Variants in CELF2 observed in about 807,000 individuals in gnomAD.
CELF2 encodes the protein CUGBP Elav-like family member 2.
A neutral mutation model predicts 62.6 loss-of-function variants in CELF2; 8 were observed. The observed-to-expected ratio is 0.13, with a 90% confidence interval of 0.07 to 0.23. The LOEUF (loss-of-function observed/expected upper bound fraction) is 0.23, where lower values mean the gene tolerates loss of function less well. Among genes scored for constraint, CELF2 ranks in the 10% least tolerant of loss-of-function variants. The pLI is 1.00. For synonymous variants in CELF2, 258 were observed against 250.0 expected (o/e 1.03, Z -0.30); for missense variants, 333 against 671.0 (o/e 0.50, Z 5.56).
At chr10:10,615,511 G>C in the CELF2 span, among the ~76,000 whole-genome samples, 1 of 152,128 alleles carries the variant, frequency 6.6e-6, no homozygotes, top group Admixed American at 6.5e-5. Flanking sequence ...TGGTCCCTAA[G>C]TGTCATGTTG....
chr10:10,559,760 G>A, the CELF2 span, among the ~76,000 whole-genome samples: 4 of 152,148 alleles, frequency 2.6e-5, no homozygotes, highest in African/African-American at 9.7e-5. Flanking sequence ...ACAAGAAAAT[G>A]AGCAAAGCCA....
At chr10:10,631,677 T>C in the CELF2 span, among the ~76,000 whole-genome samples, 189 of 152,338 alleles carry the variant, frequency 1.2e-3, 1 homozygote, top group African/African-American at 4.3e-3. Context: ...GACGTTTTCT[T>C]CTTTGGAAGA....
In CELF2 at chr10:11,051,107, G is replaced by A. The variant is rs527317556; in HGVS notation, c.74+32944G>A. ...CTTGAAAGCATGGGGACACTTCTTCGCTGTGGGAAGGGCCAGGTCTGGGAG... is the reference window on the plus strand; with the variant it reads ...CTTGAAAGCATGGGGACACTTCTTCACTGTGGGAAGGGCCAGGTCTGGGAG... On this transcript the variant is annotated intron_variant, in intron 1 of 12. Transcript: ENST00000633077. Among the ~76,000 whole-genome samples the A allele has an allele frequency of 2.1e-4, 32 of 152,170 alleles. 1 individual carries two copies. The highest frequency in any genetic ancestry group is 3.2e-4 in the Non-Finnish European group (22 of 68,026).
chr10:11,055,602 C>T (rs1020750350), intron 1 of CELF2, among the ~76,000 whole-genome samples: 3 of 152,166 alleles, frequency 2.0e-5, no homozygotes, highest in Non-Finnish European at 4.4e-5. Flanking sequence ...TTTTAAGATT[C>T]GTTCTAAACC....
At chr10:10,736,294 GT>G in the CELF2 span, among the ~76,000 whole-genome samples, 12 of 151,390 alleles carry the variant, frequency 7.9e-5, no homozygotes, top group African/African-American at 2.9e-4. Context: ...TAGCTTAGGT[GT>G]TTTGGTTTTG....
At chr10:10,791,446 G>A in the CELF2 span, among the ~76,000 whole-genome samples, 309 of 151,790 alleles carry the variant, frequency 2.0e-3, 1 homozygote, top group Admixed American at 3.2e-3. Flanking sequence ...AATCATTCAT[G>A]TAATTACAAA....
At chr10:10,630,175 C>T in the CELF2 span, among the ~76,000 whole-genome samples, 1 of 152,116 alleles carries the variant, frequency 6.6e-6, no homozygotes, top group Non-Finnish European at 1.5e-5. Context: ...TTTAATCAGC[C>T]CATCTGTGTG....
chr10:11,079,572 C>T (rs1329847777), intron 1 of CELF2, among the ~76,000 whole-genome samples: 1 of 152,196 alleles, frequency 6.6e-6, no homozygotes, highest in African/African-American at 2.4e-5. Context: ...TCCCCCTTCA[C>T]TTGGCATTCA....
At chr10:11,106,886 A>G (rs1432120489) in intron 1 of CELF2, among the ~76,000 whole-genome samples, 1 of 152,136 alleles carries the variant, frequency 6.6e-6, no homozygotes, top group Non-Finnish European at 1.5e-5. Context: ...GCTCAGACTT[A>G]CTATCTAAAC....
rs2093222717 is a variant in CELF2, at chr10:11,296,698, A to G, written c.976+8146A>G. Among the ~76,000 whole-genome samples, 1 of 152,194 alleles carries G rather than the reference A, an allele frequency of 6.6e-6. No individual in the cohort carries two copies. The highest frequency in any genetic ancestry group is 1.5e-5 in the Non-Finnish European group (1 of 68,032). Reference sequence around the variant, plus strand: ...CTACAAACACAAGCAAAATGTACCGACCTGTACAGCACAGACAGCAGGAAG... The same window carrying G: ...CTACAAACACAAGCAAAATGTACCGGCCTGTACAGCACAGACAGCAGGAAG... On this transcript the variant is annotated intron_variant, in intron 9 of 12. Coordinates refer to ENST00000633077, the MANE Select transcript of CELF2 (RefSeq NM_001326342.2). The surrounding 1 kb of genome is among the most constrained non-coding windows in gnomAD (Gnocchi z 5.0).
At chr10:10,564,048 T>G in the CELF2 span, among the ~76,000 whole-genome samples, 1 of 152,214 alleles carries the variant, frequency 6.6e-6, no homozygotes, top group Non-Finnish European at 1.5e-5. Context: ...GTATAACATG[T>G]TAGGTTATTT....
chr10:10,594,112 C>T, the CELF2 span, among the ~76,000 whole-genome samples: 4 of 152,224 alleles, frequency 2.6e-5, no homozygotes, highest in East Asian at 5.8e-4. Context: ...GGGCAATAAC[C>T]GTGGAGGCGG....
In CELF2 at chr10:10,931,396, C is replaced by G. The variant is rs1013203650; in HGVS notation, c.89+11397C>G. ...GGGGTGTAACTTTAAGGAATAATGCCAAGCTCCATAAAGGATTCTAAAGAG... is the reference window on the plus strand; with the variant it reads ...GGGGTGTAACTTTAAGGAATAATGCGAAGCTCCATAAAGGATTCTAAAGAG... On this transcript the variant is annotated intron_variant, in intron 2 of 13. Transcript: ENST00000636488. The surrounding 1 kb of genome is among the most constrained non-coding windows in gnomAD (Gnocchi z 6.1). Among the ~76,000 whole-genome samples, 8 of 152,106 alleles carry G rather than the reference C, an allele frequency of 5.3e-5. No individual in the cohort carries two copies. The highest frequency in any genetic ancestry group is 8.8e-5 in the Non-Finnish European group (6 of 68,024).
chr10:10,545,426 AG>A, the CELF2 span, among the ~76,000 whole-genome samples: 3 of 152,194 alleles, frequency 2.0e-5, no homozygotes, highest in South Asian at 6.2e-4. Context: ...AACCCAAACA[AG>A]GCCTGCTTCA....
chr10:10,958,450 G>A (rs2049130894), intron 2 of CELF2, among the ~76,000 whole-genome samples: 1 of 152,224 alleles, frequency 6.6e-6, no homozygotes, highest in Non-Finnish European at 1.5e-5. Flanking sequence ...CTAGCACAGG[G>A]AATGTGGAGC....
At chr10:11,151,306 G>A (rs1236545284) in intron 1 of CELF2, among the ~76,000 whole-genome samples, 3 of 152,068 alleles carry the variant, frequency 2.0e-5, no homozygotes, top group Non-Finnish European at 2.9e-5. Context: ...CTAGTATCCC[G>A]GGCTTTGTGT....
intron 1 of CELF2, among the ~76,000 whole-genome samples, chr10:11,094,353 A>C (rs2049173720): frequency 6.6e-6 from 1 of 152,206 alleles, no homozygotes; most frequent in African/African-American, 2.4e-5. Context: ...GTGGTTATAG[A>C]GGTTCTGGTT....
the CELF2 span, among the ~76,000 whole-genome samples, chr10:10,739,195 C>CAT: frequency 6.6e-6 from 1 of 151,874 alleles, no homozygotes; most frequent in Non-Finnish European, 1.5e-5. Context: ...TTAGTAGATG[C>CAT]ATATATATGT....
chr10:10,534,679 A>G, the CELF2 span, among the ~76,000 whole-genome samples: 1 of 152,208 alleles, frequency 6.6e-6, no homozygotes, highest in Non-Finnish European at 1.5e-5. Flanking sequence ...GTAAAATCCT[A>G]TCTTGGAGAA....
Sources: allele counts gnomAD v4.1 joint callset (sites outside exome capture counted in the v4.1 genomes callset), GRCh38; gene constraint gnomAD v4.1.1; non-coding constraint Gnocchi (gnomAD v3.1); transcripts MANE v1.5; gene names NCBI Gene and HGNC (gene_info 2026-07-23, HGNC 2026-07-21).